NXT2: variants seen among roughly 807,000 people sequenced by gnomAD.
The protein encoded by NXT2 is nuclear transport factor 2 like export factor 2, also known as NTF2-related export protein 2.
In NXT2, 1 loss-of-function variant was observed where a neutral mutation model predicts 9.6. That is an observed-to-expected ratio of 0.10 (90% CI 0.04 to 0.49). The LOEUF (loss-of-function observed/expected upper bound fraction) is 0.49. Among genes scored for constraint, NXT2 ranks in the 20% least tolerant of loss-of-function variants. The pLI is 0.95. For synonymous variants in NXT2, 22 were observed against 35.4 expected, an observed-to-expected ratio of 0.62 and a Z score of 1.34; for missense variants, 48 against 100.3, an observed-to-expected ratio of 0.48 and a Z score of 2.23.
chrX:109,542,500 G>A lies in NXT2; in HGVS notation c.248-7G>A. 1 of 1,174,400 alleles carries A rather than the reference G, an allele frequency of 8.5e-7. No homozygotes were observed. The highest frequency in any genetic ancestry group is 1.1e-6 in the Non-Finnish European group (1 of 876,720). ...TGTGTTCTCTTTTTTTTTTAATGTG[G>A]ATGAAGAGCAAGCAACTCAGTCCCA... is the stretch of plus-strand genomic sequence containing the variant. On this transcript the variant is annotated splice_region_variant and splice_polypyrimidine_tract_variant and intron_variant, in intron 3 of 3. Transcript: ENST00000372106.
upstream of NXT2, chrX:109,535,847 A>C: frequency 9.5e-7 from 1 of 1,050,598 alleles, no homozygotes; most frequent in Non-Finnish European, 1.3e-6. Context: ...CCTACCTTGA[A>C]GAGAAAAGAG....
chrX:109,541,437 G>T (rs774095718), intron 2 of NXT2, 38 bp from the exon 3 acceptor site: 3 of 1,121,042 alleles, frequency 2.7e-6, no homozygotes, highest in African/African-American at 3.6e-5. Flanking sequence ...TCTAGAAACA[G>T]AATTATTTCC....
intron 3 of NXT2, 55 bp from the exon 4 acceptor site, chrX:109,542,452 G>C (rs1933439867): frequency 9.6e-7 from 1 of 1,043,824 alleles, no homozygotes; most frequent in East Asian, 3.1e-5. Context: ...CTGAAAATCT[G>C]CTTATTTAGA....
rs754997146 is a variant in NXT2 at position 109,540,502 on chromosome X, A to G, written c.103-973A>G. Among the ~76,000 whole-genome samples, 353 of 109,697 alleles carry G rather than the reference A, an allele frequency of 3.2e-3. 2 individuals carry two copies. The highest frequency in any genetic ancestry group is 0.011 in the African/African-American group (327 of 30,129). On this transcript the variant is annotated intron_variant, in intron 2 of 3. Coordinates refer to ENST00000372106, the MANE Select transcript of NXT2 (RefSeq NM_001242617.2). ...GCCACCACGCCCGGCTAATTTTTGT[A>G]GTTTTAGTAGAGATGGGGTTTCACC...
chrX:109,540,468 C>T (rs1933393777), intron 2 of NXT2, among the ~76,000 whole-genome samples: 1 of 108,580 alleles, frequency 9.2e-6, no homozygotes. Context: ...GCTGGGATTA[C>T]AGGCAACTGC....
chrX:109,538,180 A>G, intron 2 of NXT2, 49 bp downstream of exon 2: 1 of 796,091 alleles, frequency 1.3e-6, no homozygotes, highest in Non-Finnish European at 1.9e-6. Flanking sequence ...ACTCTTTATT[A>G]AATACCAGGT....
At chrX:109,539,745 G>A (rs769263755) in intron 2 of NXT2, among the ~76,000 whole-genome samples, 110 of 111,800 alleles carry the variant, frequency 9.8e-4, no homozygotes, top group Non-Finnish European at 1.7e-3. Context: ...TTAAGTTCCT[G>A]TAGATTTGGA....
intron 1 of NXT2, chrX:109,537,344 C>A: frequency 2.3e-6 from 2 of 866,053 alleles, no homozygotes; most frequent in Non-Finnish European, 2.8e-6. Context: ...AGTCACCTGA[C>A]AAAGAAACTG....
chrX:109,537,559 C>CGTGT lies in NXT2; in HGVS notation c.16-459_16-456dup, dbSNP rs111431650. Reference sequence around the variant, plus strand: ...GTTTTTCAAGTAGTTGAACTACTTTCGTGTGTGTGTGTGTGTGTGTGTGTG... The same window carrying CGTGT: ...GTTTTTCAAGTAGTTGAACTACTTTCGTGTGTGTGTGTGTGTGTGTGTGTGTGTG... On this transcript the variant is annotated intron_variant, in intron 1 of 3. Transcript: ENST00000372106. 3.0e-3 allele frequency: 364 copies of CGTGT among 120,512 alleles called. 1 individual carries two copies. The highest frequency in any genetic ancestry group is 0.018 in the Middle Eastern group (4 of 221). The allele number at this position is 120,512 out of a possible 1,213,427, so 9.9% of individuals were successfully genotyped here.
rs778288654 is a variant in NXT2, at chrX:109,543,726, A to G, written c.*1038A>G. 2 of 111,659 alleles carry G rather than the reference A, an allele frequency of 1.8e-5. No individual in the cohort carries two copies. Among genetic ancestry groups the G allele is most frequent in the South Asian group, 7.5e-4 (2 of 2,650 alleles). The allele number at this position is 111,659 out of a possible 1,213,427, so 9.2% of individuals were successfully genotyped here. ...ACAGCAATAAACCTAACCTTTTAAC[A>G]GGGTCTAACATGAGAGTTGGAGTCA... is the stretch of plus-strand genomic sequence containing the variant. On this transcript the variant is annotated 3_prime_UTR_variant, in exon 4 of 4. Transcript: ENST00000372106.
Position 109,536,909 on chromosome X carries a change from C to T in NXT2, c.-98C>T. 1.7e-6 allele frequency: 2 copies of T among 1,203,745 alleles called. No individual in the cohort carries two copies. The highest frequency in any genetic ancestry group is 3.6e-5 in the South Asian group (2 of 55,795). On this transcript the variant is annotated 5_prime_UTR_variant, in exon 1 of 4. Coordinates refer to ENST00000372106, the MANE Select transcript of NXT2 (RefSeq NM_001242617.2). ...TTTTGTGCGTTTGGCGGGTTTCGCTCTCTTCATAAGTATTGATCATTCCGC... is the reference window on the plus strand; with the variant it reads ...TTTTGTGCGTTTGGCGGGTTTCGCTTTCTTCATAAGTATTGATCATTCCGC...
chrX:109,537,040 G>A lies in NXT2; in HGVS notation c.15+19G>A, dbSNP rs772200308. 1 of 1,202,787 alleles carries A rather than the reference G, an allele frequency of 8.3e-7. No homozygotes were observed. The highest frequency in any genetic ancestry group is 1.1e-6 in the Non-Finnish European group (1 of 890,523). The stretch of plus-strand genomic sequence containing the variant: ...GTCTCTGGTGAGTGCCTGGGCCGTG[G>A]CAGGACGGCTGGGCGCCGGACTCCA... On this transcript the variant is annotated intron_variant, in intron 1 of 3. Transcript: ENST00000372106.
intron 1 of NXT2, chrX:109,537,467 A>T: frequency 1.6e-6 from 1 of 613,101 alleles, no homozygotes; most frequent in Non-Finnish European, 2.0e-6. Context: ...CTTCGGTGTC[A>T]CAGTTCTTAG....
chrX:109,541,729 G>C, intron 3 of NXT2, 110 bp downstream of exon 3: 1 of 603,554 alleles, frequency 1.7e-6, no homozygotes, highest in Non-Finnish European at 2.4e-6. Context: ...TTACTTACTT[G>C]AGCAAGTTAA....
At chrX:109,535,825 G>T, upstream of NXT2, 1 of 903,440 alleles carries the variant, frequency 1.1e-6, no homozygotes, top group Non-Finnish European at 1.5e-6. Flanking sequence ...CTGAGAAGAA[G>T]CTTCCGTTAG....
At chrX:109,536,168 T>TA (rs1933269420), upstream of NXT2, among the ~76,000 whole-genome samples, 3 of 111,390 alleles carry the variant, frequency 2.7e-5, no homozygotes, top group African/African-American at 9.9e-5. Flanking sequence ...ATGAAGATGA[T>TA]AAAATAATAG....
upstream of NXT2, among the ~76,000 whole-genome samples, chrX:109,536,175 A>T (rs1354679807): frequency 9.0e-6 from 1 of 111,381 alleles, no homozygotes; most frequent in Non-Finnish European, 1.9e-5. Flanking sequence ...TGATAAAATA[A>T]TAGCAATTAC....
At chrX:109,542,282 A>G (rs1390597330) in intron 3 of NXT2, among the ~76,000 whole-genome samples, 1 of 111,547 alleles carries the variant, frequency 9.0e-6, no homozygotes, top group East Asian at 2.8e-4. Context: ...TTTTGAAACT[A>G]GAGTATCCCA....
chrX:109,541,822 G>A (rs1933425220), intron 3 of NXT2, among the ~76,000 whole-genome samples: 1 of 112,166 alleles, frequency 8.9e-6, no homozygotes, highest in Non-Finnish European at 1.9e-5. Context: ...TGGATTATGT[G>A]ATTTTGGCTT....
Sources: allele counts gnomAD v4.1 joint callset (sites outside exome capture counted in the v4.1 genomes callset), GRCh38; gene constraint gnomAD v4.1.1; transcripts MANE v1.5; gene names NCBI Gene and HGNC (gene_info 2026-07-23, HGNC 2026-07-21).